PCDHGA2: variants seen among roughly 807,000 people sequenced by gnomAD.
PCDHGA2 encodes the protein protocadherin gamma-A2.
Under a neutral mutation model 59.2 loss-of-function variants are expected in PCDHGA2, and 40 were observed. The observed-to-expected ratio is 0.68, with a 90% CI of 0.52 to 0.88. The LOEUF (loss-of-function observed/expected upper bound fraction) is 0.88, where lower values mean the gene tolerates loss of function less well. PCDHGA2 is among the 40% of genes least tolerant of loss of function. The pLI is 0.00. For synonymous variants in PCDHGA2, 560 were observed against 526.0 expected (o/e 1.06, Z -0.89); for missense variants, 1,226 against 1,204.0 (o/e 1.02, Z -0.27).
chr5:141,344,254 T>G (rs1229823738), intron 1 of PCDHGA2: 1 of 1,614,000 alleles, frequency 6.2e-7, no homozygotes, highest in Admixed American at 1.7e-5. Context: ...AGGACGCAGC[T>G]TTTCTCTCTG....
At chr5:141,376,180 G>T (rs113596971) in intron 1 of PCDHGA2, 6 of 1,614,100 alleles carry the variant, frequency 3.7e-6, no homozygotes, top group East Asian at 2.2e-5. Context: ...CGGTGGCCGC[G>T]GTCTCCTGCG....
chr5:141,506,435 G>T (rs1470687416), intron 3 of PCDHGA2, among the ~76,000 whole-genome samples: 1 of 126,234 alleles, frequency 7.9e-6, no homozygotes, highest in Non-Finnish European at 1.6e-5. Context: ...CAACAGTCTC[G>T]CTCTGTCTCA....
intron 1 of PCDHGA2, chr5:141,374,379 G>C (rs1163047741): frequency 6.2e-7 from 1 of 1,614,042 alleles, no homozygotes; most frequent in Admixed American, 1.7e-5. Context: ...TGTGCTCAGA[G>C]CCCGCGGTGT....
intron 1 of PCDHGA2, among the ~76,000 whole-genome samples, chr5:141,358,218 A>G (rs1306876220): frequency 6.6e-6 from 1 of 152,214 alleles, no homozygotes; most frequent in Non-Finnish European, 1.5e-5. Flanking sequence ...AAAGTAAAAT[A>G]AAGAATAAAT....
rs779750859 is a variant in PCDHGA2, at chr5:141,476,273, A to G, written c.2425-18534A>G. On this transcript the variant is annotated intron_variant, in intron 1 of 3. Transcript: ENST00000394576. The surrounding 1 kb of genome is among the most constrained non-coding windows in gnomAD (Gnocchi z 7.6). Reference sequence around the variant, plus strand: ...TTTCGCTGTGGGCAACGTGGTCGCGAACCTTGGTTTGGATCTCGGTAGCCT... The same window carrying G: ...TTTCGCTGTGGGCAACGTGGTCGCGGACCTTGGTTTGGATCTCGGTAGCCT... 6.2e-7 allele frequency: 1 copy of G among 1,613,964 alleles called. No individual in the cohort carries two copies. The highest frequency in any genetic ancestry group is 1.1e-5 in the South Asian group (1 of 91,064).
intron 1 of PCDHGA2, chr5:141,350,339 A>G (rs1758450132): frequency 6.5e-7 from 1 of 1,542,648 alleles, no homozygotes; most frequent in South Asian, 1.3e-5. Flanking sequence ...CTGCGGGGCC[A>G]TCTCCCAGCA....
At chr5:141,350,862 A>C in intron 1 of PCDHGA2, 1 of 1,614,100 alleles carries the variant, frequency 6.2e-7, no homozygotes, top group South Asian at 1.1e-5. Flanking sequence ...GACAGGGAAC[A>C]TCAGAGCTCT....
chr5:141,468,348 A>C (rs962230735), intron 1 of PCDHGA2: 2 of 150,318 alleles, frequency 1.3e-5, no homozygotes, highest in African/African-American at 4.9e-5. Context: ...AAAAAAAAAA[A>C]AGAAAGAAAA....
At chr5:141,453,240 A>G (rs1470706774) in intron 1 of PCDHGA2, among the ~76,000 whole-genome samples, 1 of 152,020 alleles carries the variant, frequency 6.6e-6, no homozygotes, top group African/African-American at 2.4e-5. Context: ...CAGCCTCCCA[A>G]ATAGCTGGGG....
intron 1 of PCDHGA2, among the ~76,000 whole-genome samples, chr5:141,437,741 C>CTTT (rs35124340): frequency 4.2e-5 from 6 of 141,750 alleles, no homozygotes; most frequent in Admixed American, 7.0e-5. Flanking sequence ...TTGAGTTCAC[C>CTTT]TTTTTTTTTT....
At chr5:141,510,799 C>G in intron 3 of PCDHGA2, 148 bp from the exon 4 acceptor site, 1 of 1,481,460 alleles carries the variant, frequency 6.8e-7, no homozygotes. Context: ...TGAAGAGAGA[C>G]TACCTTGGTG....
chr5:141,389,771 C>T lies in PCDHGA2; in HGVS notation c.2424+48376C>T, dbSNP rs1239854891. 4 of 1,613,088 alleles carry T rather than the reference C, an allele frequency of 2.5e-6. No homozygotes were observed. The Admixed American group carries it at 5.0e-5, about 20-fold the overall frequency. ...CGGGCGAAGTGCGCACAGCGCGTGC[C>T]TTAGGCGACAGGGACGCCGTCCGCC... is the stretch of plus-strand genomic sequence containing the variant. On this transcript the variant is annotated intron_variant, in intron 1 of 3. Coordinates refer to ENST00000394576, the MANE Select transcript of PCDHGA2 (RefSeq NM_018915.4).
rs756252337 is a variant in PCDHGA2, at chr5:141,413,183, C to T, written c.2424+71788C>T. The T allele has an allele frequency of 3.7e-6, 6 of 1,605,222 alleles. No individual in the cohort carries two copies. The Admixed American group carries it at 1.0e-4, about 27-fold the overall frequency. Reference sequence around the variant, plus strand: ...TTCTGTAACCAGACTACAATGGCCGCTCAAAGGAATCGCTCAAAGGAATCA... The same window carrying T: ...TTCTGTAACCAGACTACAATGGCCGTTCAAAGGAATCGCTCAAAGGAATCA... On this transcript the variant is annotated intron_variant, in intron 1 of 3. Transcript: ENST00000394576.
intron 1 of PCDHGA2, among the ~76,000 whole-genome samples, chr5:141,381,826 C>CTTCTTTTTTT (rs1777532522): frequency 3.1e-4 from 23 of 74,294 alleles, no homozygotes; most frequent in African/African-American, 1.4e-3. Context: ...CTTTCTTCTT[C>CTTCTTTTTTT]TTTTTTTTTT....
At chr5:141,354,014 A>C (rs1759441261) in intron 1 of PCDHGA2, among the ~76,000 whole-genome samples, 1 of 152,248 alleles carries the variant, frequency 6.6e-6, no homozygotes, top group African/African-American at 2.4e-5. Flanking sequence ...AATTACTGTA[A>C]GTATTCATAA....
chr5:141,496,103 C>G (rs779317844), intron 2 of PCDHGA2, among the ~76,000 whole-genome samples: 1 of 152,100 alleles, frequency 6.6e-6, no homozygotes, highest in Non-Finnish European at 1.5e-5. Flanking sequence ...ACCAACACCC[C>G]GCTCTCTTCC....
chr5:141,451,163 G>A (rs2098709493), intron 1 of PCDHGA2, among the ~76,000 whole-genome samples: 1 of 152,086 alleles, frequency 6.6e-6, no homozygotes, highest in African/African-American at 2.4e-5. Flanking sequence ...TTTTTTGGTA[G>A]TATATTATTT....
chr5:141,392,757 AAT>A, intron 1 of PCDHGA2: 1 of 1,471,072 alleles, frequency 6.8e-7, no homozygotes, highest in African/African-American at 1.4e-5. Flanking sequence ...CAAGAAACTA[AAT>A]AAGACCCATT....
intron 1 of PCDHGA2, among the ~76,000 whole-genome samples, chr5:141,348,096 C>T (rs1758063595): frequency 6.6e-6 from 1 of 152,210 alleles, no homozygotes; most frequent in Non-Finnish European, 1.5e-5. Context: ...AAATTGTTGG[C>T]TTATTCTGCA....
Sources: gnomAD v4.1 joint callset for allele counts (sites outside exome capture counted in the v4.1 genomes callset) on GRCh38, gnomAD v4.1.1 for gene constraint, Gnocchi (gnomAD v3.1) non-coding constraint, MANE v1.5 for transcripts, NCBI Gene and HGNC (gene_info 2026-07-23, HGNC 2026-07-21) for gene names.